Variants in C12orf57 observed in about 807,000 individuals in gnomAD.
C12orf57 encodes the protein protein C10.
A neutral mutation model predicts 11.3 loss-of-function variants in C12orf57; 14 were observed. The ratio of observed to expected loss-of-function variants is 1.24; its 90% CI spans 0.82 to 1.94. The LOEUF (loss-of-function observed/expected upper bound fraction) is 1.94, where lower values mean the gene tolerates loss of function less well. C12orf57 is among the 30% of genes most tolerant of loss of function. The pLI, the probability that C12orf57 is intolerant of heterozygous loss-of-function variation, is 0.00. For missense variants in C12orf57, 229 were observed against 172.4 expected (o/e 1.33, Z -1.84); for synonymous variants, 100 against 74.6 (o/e 1.34, Z -1.76).
Position 6,944,416 on chromosome 12 carries a change from C to T in C12orf57, c.53-60C>T, listed in dbSNP as rs1187195168. 7.0e-6 allele frequency: 11 copies of T among 1,580,104 alleles called. No individual in the cohort carries two copies. In the African/African-American group the frequency reaches 1.1e-4, roughly 16 times the overall value. ...TAATTCCTTGCGCTCTCCGCTGGGC[C>T]CGCTGTCTGTTCTCCGACGCCTACC... On this transcript the variant is annotated intron_variant, in intron 1 of 2. Coordinates refer to ENST00000229281, the MANE Select transcript of C12orf57 (RefSeq NM_138425.4).
chr12:6,944,924 A>G, intron 2 of C12orf57: 1 of 1,303,794 alleles, frequency 7.7e-7, no homozygotes, highest in Non-Finnish European at 1.0e-6. Flanking sequence ...CGGAATATTT[A>G]CATATACATG....
chr12:6,944,702 G>A (rs1555146105), intron 2 of C12orf57, 50 bp downstream of exon 2: 1 of 1,599,732 alleles, frequency 6.3e-7, no homozygotes, highest in African/African-American at 1.3e-5. Flanking sequence ...CGGGAGTTGG[G>A]TCGGGAGAGG....
chr12:6,945,093 AC>A, intron 2 of C12orf57: 1 of 280,818 alleles, frequency 3.6e-6, no homozygotes, highest in Non-Finnish European at 6.6e-6. Context: ...AGTCTCCCCC[AC>A]CCCCCACTAT....
At chr12:6,945,034 T>G (rs1263842368) in intron 2 of C12orf57, 1 of 429,860 alleles carries the variant, frequency 2.3e-6, no homozygotes, top group African/African-American at 2.0e-5. Flanking sequence ...TATATAATAG[T>G]CTGAATAATT....
In C12orf57 at chr12:6,944,032, C is replaced by G. The variant is rs868922430; in HGVS notation, c.-90C>G. 30 of 1,608,972 alleles carry G rather than the reference C, an allele frequency of 1.9e-5. 2 individuals are homozygous for G. The highest frequency in any genetic ancestry group is 1.6e-4 in the East Asian group (7 of 44,846). On this transcript the variant is annotated 5_prime_UTR_variant, in exon 1 of 3. Transcript: ENST00000229281. ...CGCCGGATGCTGTTTCCTTTCCGCT[C>G]CCAGGGGCGTTGGGAACGGTTGTAG...
intron 2 of C12orf57, 191 bp downstream of exon 2, chr12:6,944,843 G>C (rs1242594586): frequency 2.1e-6 from 3 of 1,441,950 alleles, no homozygotes; most frequent in East Asian, 2.5e-5. Flanking sequence ...GTTGCGTTTT[G>C]TACAGTAGAG....
chr12:6,943,822 T>A (rs782352036), upstream of C12orf57: 2 of 859,846 alleles, frequency 2.3e-6, no homozygotes, highest in African/African-American at 1.7e-5. Flanking sequence ...GCAGCAGTGT[T>A]ACAGCTCTTT....
upstream of C12orf57, chr12:6,943,820 G>A (rs894101172): frequency 9.4e-5 from 81 of 857,788 alleles, no homozygotes; most frequent in Non-Finnish European, 1.2e-4. Flanking sequence ...ACGCAGCAGT[G>A]TTACAGCTCT....
intron 2 of C12orf57, 91 bp downstream of exon 2, chr12:6,944,743 T>TCCC: frequency 6.3e-7 from 1 of 1,577,092 alleles, no homozygotes; most frequent in Non-Finnish European, 8.7e-7. Flanking sequence ...TGAGCGGTTG[T>TCCC]CCCCTTTCTC....
upstream of C12orf57, chr12:6,943,923 A>C (rs79145172): frequency 2.7e-5 from 35 of 1,316,372 alleles, no homozygotes; most frequent in Non-Finnish European, 3.2e-5. Flanking sequence ...CACTGTGCAA[A>C]AATTATGGGT....
rs781989948 is a variant in C12orf57 at position 6,944,396 on chromosome 12, C to T, written c.53-80C>T. The T allele has an allele frequency of 1.3e-4, 207 of 1,564,270 alleles. 4 individuals carry two copies. In the South Asian group the frequency reaches 2.4e-3, roughly 18 times the overall value. On this transcript the variant is annotated intron_variant, in intron 1 of 2. Transcript: ENST00000229281. Reference sequence around the variant, plus strand: ...TACCTACAGCCTCAATCCACTAATTCCTTGCGCTCTCCGCTGGGCCCGCTG... The same window carrying T: ...TACCTACAGCCTCAATCCACTAATTTCTTGCGCTCTCCGCTGGGCCCGCTG...
At chr12:6,943,950 A>T (rs782316405), upstream of C12orf57, 6 of 1,478,370 alleles carry the variant, frequency 4.1e-6, no homozygotes, top group East Asian at 6.9e-5. Flanking sequence ...GGTGGTCTTG[A>T]TGCAGTTGTA....
chr12:6,943,551 C>T (rs1945682263), upstream of C12orf57: 3 of 1,289,094 alleles, frequency 2.3e-6, no homozygotes, highest in African/African-American at 1.5e-5. Context: ...GGTCTCCGGG[C>T]TTAACAACAA....
upstream of C12orf57, chr12:6,943,983 G>GCCC: frequency 6.3e-7 from 1 of 1,578,958 alleles, no homozygotes; most frequent in Non-Finnish European, 8.5e-7. Context: ...GAAGGTTTGG[G>GCCC]CCACGCCTGG....
At position 6,944,562 on chromosome 12, in the gene C12orf57, A is replaced by T. The variant is rs920378510; in HGVS notation, c.139A>T (p.Met47Leu). 3.7e-6 allele frequency: 6 copies of T among 1,614,140 alleles called. No individual in the cohort carries two copies. Among genetic ancestry groups the T allele is most frequent in the Non-Finnish European group, 4.2e-6 (5 of 1,180,018 alleles). Reference protein sequence around the residue: ...DEARDNACNDMGKMLQFVLPV... With the variant: ...DEARDNACNDLGKMLQFVLPV... ...GGCTCGGGATAACGCCTGCAACGAC[A>T]TGGGTAAGATGCTGCAATTCGTGCT... The change falls in exon 2 of 3, where the codon ATG (methionine) becomes TTG (leucine). Residue 47 changes from methionine (M) to leucine (L), a missense_variant. Met to Leu is a conservative substitution (Grantham distance 15, BLOSUM62 2). Transcript: ENST00000229281.
At chr12:6,944,431 C>CGACGCCTACCCGG (rs782219225) in intron 1 of C12orf57, 45 bp from the exon 2 acceptor site, 1 of 1,592,894 alleles carries the variant, frequency 6.3e-7, no homozygotes, top group Admixed American at 1.8e-5. Flanking sequence ...GTCTGTTCTC[C>CGACGCCTACCCGG]GACGCCTACC....
chr12:6,945,711 C>T, intron 2 of C12orf57, 60 bp from the exon 3 acceptor site: 1 of 1,573,138 alleles, frequency 6.4e-7, no homozygotes, highest in Non-Finnish European at 8.7e-7. Context: ...CCACCCCCTC[C>T]AGGTGTCTTA....
intron 2 of C12orf57, 64 bp from the exon 3 acceptor site, chr12:6,945,707 C>T (rs782813144): frequency 3.2e-6 from 5 of 1,554,956 alleles, no homozygotes; most frequent in East Asian, 2.3e-5. Context: ...ACTACCACCC[C>T]CTCCAGGTGT....
At chr12:6,944,808 G>T (rs1945758033) in intron 2 of C12orf57, 156 bp downstream of exon 2, 11 of 1,481,234 alleles carry the variant, frequency 7.4e-6, no homozygotes, top group Non-Finnish European at 9.9e-6. Flanking sequence ...AGAGCCCAGG[G>T]TCTACCCTGA....
Sources: allele counts gnomAD v4.1 joint callset, GRCh38; gene constraint gnomAD v4.1.1; transcripts MANE v1.5; gene names NCBI Gene and HGNC (gene_info 2026-07-23, HGNC 2026-07-21).